The following TLN2 variants were observed in gnomAD, a reference collection of about 807,000 sequenced individuals.
TLN2 encodes the protein talin-2.
TLN2 carries 118 observed loss-of-function variants against 294.7 expected under a neutral mutation model. The ratio of observed to expected loss-of-function variants is 0.40; its 90% confidence interval spans 0.34 to 0.47. TLN2 has a LOEUF of 0.47. Ranked by LOEUF, TLN2 falls within the 20% of genes least tolerant of loss-of-function variation. The probability of loss-of-function intolerance (pLI) is 0.84; values close to 1 mark genes in which losing one functional copy is unlikely to be tolerated. For missense variants in TLN2, 3,083 were observed against 3,282.2 expected (o/e 0.94, Z 1.48); for synonymous variants, 1,431 against 1,304.5 (o/e 1.10, Z -2.09).
At chr15:62,617,819 T>C (rs1237540996) in intron 2 of TLN2, among the ~76,000 whole-genome samples, 1 of 152,214 alleles carries the variant, frequency 6.6e-6, no homozygotes, top group East Asian at 1.9e-4. Context: ...CCTTCTGATA[T>C]TTAGGAGAAA....
intron 52 of TLN2, among the ~76,000 whole-genome samples, chr15:62,816,727 C>T (rs1190059903): frequency 6.6e-6 from 1 of 152,198 alleles, no homozygotes; most frequent in African/African-American, 2.4e-5. Flanking sequence ...ATACCTTTAA[C>T]CCTTTGCTTA....
At chr15:62,536,473 T>G (rs1378525224) in intron 1 of TLN2, among the ~76,000 whole-genome samples, 1 of 152,222 alleles carries the variant, frequency 6.6e-6, no homozygotes, top group Non-Finnish European at 1.5e-5. Context: ...ACAGGACTAA[T>G]TAGTACATAT....
In TLN2 at chr15:62,528,632, A is replaced by C. The variant is rs538124257; in HGVS notation, c.-237-61055A>C. On this transcript the variant is annotated intron_variant, in intron 1 of 58. Transcript: ENST00000636159. ...AGGGGCTATGTCTGGCAAAGGTATC[A>C]CTTATTGACAGCCCTTCTTGAGTGT... 1.0e-4 allele frequency among the ~76,000 whole-genome samples: 15 copies of C among 146,942 alleles called. No individual in the cohort carries two copies. The East Asian group carries it at 3.1e-3, about 30-fold the overall frequency.
intron 2 of TLN2, among the ~76,000 whole-genome samples, chr15:62,590,979 A>G (rs1320750444): frequency 7.0e-6 from 1 of 143,440 alleles, no homozygotes; most frequent in African/African-American, 2.5e-5. Context: ...ACCTATTTCT[A>G]TTTTTTTTTT....
At chr15:62,793,037 C>G (rs1271878590) in intron 46 of TLN2, among the ~76,000 whole-genome samples, 1 of 152,222 alleles carries the variant, frequency 6.6e-6, no homozygotes, top group Non-Finnish European at 1.5e-5. Context: ...TGGCACTCCC[C>G]CTTCTTGCAG....
In TLN2 at chr15:62,842,930, C is replaced by A. The variant is rs191298512; in HGVS notation, c.*2320C>A. 3.3e-5 allele frequency: 5 copies of A among 152,136 alleles called. No homozygotes were observed. The highest frequency in any genetic ancestry group is 7.3e-5 in the Non-Finnish European group (5 of 68,056). The allele number at this position is 152,136 out of a possible 1,614,324, so 9.4% of individuals were successfully genotyped here. On this transcript the variant is annotated 3_prime_UTR_variant, in exon 59 of 59. Transcript: ENST00000636159. The stretch of plus-strand genomic sequence containing the variant: ...ATGTGTATGTGAACGGCTTCGTGGC[C>A]GGTGTGGTGGTTTCTCATTTCATAA...
intron 1 of TLN2, among the ~76,000 whole-genome samples, chr15:62,572,179 G>A (rs2140646634): frequency 6.6e-6 from 1 of 152,210 alleles, no homozygotes; most frequent in African/African-American, 2.4e-5. Flanking sequence ...GTCCTGAATT[G>A]CTTGACAGTT....
chr15:62,745,454 A>G (rs2061559811), intron 32 of TLN2, among the ~76,000 whole-genome samples: 1 of 152,162 alleles, frequency 6.6e-6, no homozygotes, highest in Non-Finnish European at 1.5e-5. Flanking sequence ...TGGGGGGTAG[A>G]TTTATTGAAA....
At position 62,663,109 on chromosome 15, in the gene TLN2, C is replaced by T. The variant is rs550228606; in HGVS notation, c.788+5211C>T. On this transcript the variant is annotated intron_variant, in intron 9 of 58. Coordinates refer to ENST00000636159, the MANE Select transcript of TLN2 (RefSeq NM_015059.3). Reference sequence around the variant, plus strand: ...GGATTACAGGCTTGAGCCACAGCGCCGGGCCTTGAGAGAGAATTTGACATT... The same window carrying T: ...GGATTACAGGCTTGAGCCACAGCGCTGGGCCTTGAGAGAGAATTTGACATT... Among the ~76,000 whole-genome samples the T allele has an allele frequency of 5.0e-4, 76 of 152,062 alleles. No homozygotes were observed. The East Asian group carries it at 6.0e-3, about 12-fold the overall frequency.
At chr15:62,405,833 G>T (rs2033364395) in intron 1 of TLN2, among the ~76,000 whole-genome samples, 1 of 152,172 alleles carries the variant, frequency 6.6e-6, no homozygotes. Flanking sequence ...TTGTTGGCTG[G>T]TTTTTGCTGG....
chr15:62,437,153 C>A (rs771593044), intron 1 of TLN2, among the ~76,000 whole-genome samples: 5 of 152,224 alleles, frequency 3.3e-5, no homozygotes, highest in African/African-American at 7.2e-5. Context: ...TTTCATCTCT[C>A]ATTGATTATG....
At chr15:62,641,304 A>C (rs2051069939) in intron 3 of TLN2, among the ~76,000 whole-genome samples, 1 of 152,102 alleles carries the variant, frequency 6.6e-6, no homozygotes, top group South Asian at 2.1e-4. Context: ...AACTCCCATG[A>C]CTAATGTTAT....
At chr15:62,541,557 G>A (rs2041687418) in intron 1 of TLN2, among the ~76,000 whole-genome samples, 1 of 152,120 alleles carries the variant, frequency 6.6e-6, no homozygotes, top group Admixed American at 6.6e-5. Context: ...TTGCCTACCT[G>A]GGGTCAGCCC....
At chr15:62,692,622 A>G (rs2058017712) in intron 12 of TLN2, among the ~76,000 whole-genome samples, 1 of 152,116 alleles carries the variant, frequency 6.6e-6, no homozygotes, top group South Asian at 2.1e-4. Flanking sequence ...TGGTTTTGCA[A>G]GTTCTGAGCC....
At chr15:62,391,143 G>C (rs1203083560) in intron 1 of TLN2, among the ~76,000 whole-genome samples, 5 of 152,248 alleles carry the variant, frequency 3.3e-5, no homozygotes, top group African/African-American at 7.2e-5. Flanking sequence ...CGCTGGAGGA[G>C]CAGCTTCATT....
intron 1 of TLN2, among the ~76,000 whole-genome samples, chr15:62,456,618 A>T (rs2036498073): frequency 6.6e-6 from 1 of 152,252 alleles, no homozygotes; most frequent in Non-Finnish European, 1.5e-5. Flanking sequence ...AGTGACACTT[A>T]TCAGGGCCTG....
At chr15:62,742,024 GGTGTGTGTGTGTGT>G (rs1169646907) in intron 32 of TLN2, among the ~76,000 whole-genome samples, 3 of 82,218 alleles carry the variant, frequency 3.6e-5, no homozygotes, top group African/African-American at 1.3e-4. Flanking sequence ...CTTGTAGTGG[GGTGTGTGTGTGTGT>G]GTGTGTGTGT....
At chr15:62,693,998 TC>T (rs1487336580) in intron 13 of TLN2, among the ~76,000 whole-genome samples, 1 of 121,708 alleles carries the variant, frequency 8.2e-6, no homozygotes, top group East Asian at 2.5e-4. Flanking sequence ...AGACAGAGTC[TC>T]CCTCAGTCGC....
chr15:62,706,613 C>G (rs771701126), intron 19 of TLN2, among the ~76,000 whole-genome samples: 17 of 152,186 alleles, frequency 1.1e-4, no homozygotes, highest in African/African-American at 1.7e-4. Context: ...CGACTTGGAT[C>G]TTTGTGCAAA....
Sources: allele counts gnomAD v4.1 joint callset (sites outside exome capture counted in the v4.1 genomes callset), GRCh38; gene constraint gnomAD v4.1.1; transcripts MANE v1.5; gene names NCBI Gene and HGNC (gene_info 2026-07-23, HGNC 2026-07-21).